The following LAMP3 variants were observed in gnomAD, a reference collection of about 807,000 sequenced individuals.
The protein encoded by LAMP3 is lysosome associated membrane protein 3.
A neutral mutation model predicts 34.8 loss-of-function variants in LAMP3; 26 were observed. The observed-to-expected ratio is 0.75, with a 90% CI of 0.55 to 1.04. LAMP3 has a LOEUF of 1.04. Ranked by LOEUF, LAMP3 falls within the 50% of genes least tolerant of loss-of-function variation. The pLI is 0.00. For synonymous variants in LAMP3, 180 were observed against 201.9 expected (o/e 0.89, Z 0.92); for missense variants, 495 against 524.0 (o/e 0.94, Z 0.54).
At chr3:183,139,381 C>T in intron 4 of LAMP3, among the ~76,000 whole-genome samples, 1 of 142,588 alleles carries the variant, frequency 7.0e-6, no homozygotes, top group Non-Finnish European at 1.5e-5. Context: ...CAGAGCGAGA[C>T]TGTCTCAAAA....
chr3:183,132,676 C>T lies in LAMP3; in HGVS notation c.1117+3041G>A, dbSNP rs1576870569. The T allele has an allele frequency of 1.1e-5, 11 of 985,384 alleles. No individual in the cohort carries two copies. The South Asian group carries it at 4.7e-4, about 42-fold the overall frequency. The allele number at this position is 985,384 out of a possible 1,614,324, so 61.0% of individuals were successfully genotyped here. A position where few individuals can be genotyped will look rare whatever the true frequency, so the allele number is the denominator to read the frequency against. On this transcript the variant is annotated intron_variant, in intron 5 of 5. Transcript: ENST00000265598. ...GCTGTTTCCCAGCACTGCGGTAGCC[C>T]TTTGGTGGAAAGTTAGGTTTCCTAA...
intron 4 of LAMP3, among the ~76,000 whole-genome samples, chr3:183,137,200 C>T (rs937939152): frequency 1.3e-5 from 2 of 151,580 alleles, no homozygotes; most frequent in Admixed American, 6.6e-5. Flanking sequence ...CACATGCAAT[C>T]CCAGCTACTC....
chr3:183,127,422 C>T (rs1166302596), intron 5 of LAMP3, among the ~76,000 whole-genome samples: 3 of 152,162 alleles, frequency 2.0e-5, no homozygotes, highest in East Asian at 3.8e-4. Context: ...ACACTGTGCC[C>T]AGACAACTCC....
chr3:183,130,780 C>G (rs1195265139), intron 5 of LAMP3, among the ~76,000 whole-genome samples: 1 of 152,174 alleles, frequency 6.6e-6, no homozygotes, highest in African/African-American at 2.4e-5. Context: ...TCTTCCCAGT[C>G]TTCCTGGGAG....
At chr3:183,125,417 G>C (rs192269622) in intron 5 of LAMP3, among the ~76,000 whole-genome samples, 1 of 152,272 alleles carries the variant, frequency 6.6e-6, no homozygotes, top group East Asian at 1.9e-4. Context: ...GGACAAGAAA[G>C]AAACTGTGAT....
intron 4 of LAMP3, among the ~76,000 whole-genome samples, chr3:183,136,778 C>T (rs1211118326): frequency 6.6e-6 from 1 of 151,942 alleles, no homozygotes; most frequent in African/African-American, 2.4e-5. Flanking sequence ...TGCCTAAGGA[C>T]TGGCCCTCTC....
At position 183,158,635 on chromosome 3, in the gene LAMP3, A is replaced by G. The variant is rs570097274; in HGVS notation, c.49+3972T>C. Among the ~76,000 whole-genome samples the G allele has an allele frequency of 2.6e-5, 4 of 152,202 alleles. No homozygotes were observed. The East Asian group carries it at 5.8e-4, about 22-fold the overall frequency. On this transcript the variant is annotated intron_variant, in intron 1 of 5. Coordinates refer to ENST00000265598, the MANE Select transcript of LAMP3 (RefSeq NM_014398.4). ...TTCCCCTACAACCAGTGGGTGTGAGATGAGTCATTGCCCAGTCCCCTGAGA... is the reference window on the plus strand; with the variant it reads ...TTCCCCTACAACCAGTGGGTGTGAGGTGAGTCATTGCCCAGTCCCCTGAGA...
At chr3:183,139,809 T>A (rs888607553) in intron 4 of LAMP3, among the ~76,000 whole-genome samples, 1 of 152,218 alleles carries the variant, frequency 6.6e-6, no homozygotes, top group Admixed American at 6.5e-5. Context: ...GTAAACTTCA[T>A]GAGGGTAAGA....
Position 183,154,006 on chromosome 3 carries a change from A to T in LAMP3, c.435T>A (p.Thr145=), listed in dbSNP as rs747997199. The change falls in exon 2 of 6, where the codon ACT becomes ACA. Residue 145 remains threonine, a synonymous_variant. Transcript: ENST00000265598. ...PPTITPPAHT[T]GTSSSTVSHT... ...GGCTGACGGTTGATGAACTGGTTCC[A>T]GTTGTATGAGCTGGTGGGGTGATGG... 6.2e-7 allele frequency: 1 copy of T among 1,613,984 alleles called. No individual in the cohort carries two copies. The highest frequency in any genetic ancestry group is 8.5e-7 in the Non-Finnish European group (1 of 1,180,016).
intron 3 of LAMP3, among the ~76,000 whole-genome samples, chr3:183,144,567 G>A (rs771939209): frequency 2.6e-5 from 4 of 152,198 alleles, no homozygotes; most frequent in Admixed American, 6.5e-5. Flanking sequence ...AGGGGAAAAA[G>A]AGCATGGAAA....
chr3:183,124,239 C>T, intron 5 of LAMP3, 25 bp from the exon 6 acceptor site: 1 of 1,528,338 alleles, frequency 6.5e-7, no homozygotes, highest in Non-Finnish European at 8.8e-7. Flanking sequence ...AAATACAATA[C>T]AGTGGGTAAG....
intron 5 of LAMP3, 73 bp downstream of exon 5, chr3:183,135,644 G>T: frequency 7.2e-6 from 10 of 1,381,090 alleles, no homozygotes; most frequent in Non-Finnish European, 9.1e-6. Context: ...GACAGCTGCA[G>T]ACAGAAAACA....
At chr3:183,150,198 A>G (rs1720587876) in intron 3 of LAMP3, among the ~76,000 whole-genome samples, 1 of 152,164 alleles carries the variant, frequency 6.6e-6, no homozygotes, top group South Asian at 2.1e-4. Flanking sequence ...TCCTGCCCCT[A>G]CCCTTGGAGG....
At chr3:183,145,654 G>A (rs1014977803) in intron 3 of LAMP3, among the ~76,000 whole-genome samples, 7 of 152,110 alleles carry the variant, frequency 4.6e-5, no homozygotes, top group South Asian at 4.1e-4. Flanking sequence ...TCAGGACTTC[G>A]AGATCAGCCT....
Position 183,132,104 on chromosome 3 carries a change from C to T in LAMP3, c.1117+3613G>A, listed in dbSNP as rs200434787. ...AACATCAAAGAAAAGCCGACAAACCCGGAAAAAAGTAGCTAAGAAGGCAGA... is the reference window on the plus strand; with the variant it reads ...AACATCAAAGAAAAGCCGACAAACCTGGAAAAAAGTAGCTAAGAAGGCAGA... On this transcript the variant is annotated intron_variant, in intron 5 of 5. Transcript: ENST00000265598. 16 of 985,220 alleles carry T rather than the reference C, an allele frequency of 1.6e-5. No individual in the cohort carries two copies. The East Asian group carries it at 4.5e-4, about 28-fold the overall frequency. The allele number at this position is 985,220 out of a possible 1,614,324, so 61.0% of individuals were successfully genotyped here.
At chr3:183,143,880 G>T (rs192615334) in intron 3 of LAMP3, among the ~76,000 whole-genome samples, 7 of 152,014 alleles carry the variant, frequency 4.6e-5, no homozygotes, top group African/African-American at 1.2e-4. Context: ...TTGTTAATCC[G>T]TCAAGGAACC....
intron 5 of LAMP3, among the ~76,000 whole-genome samples, chr3:183,134,806 C>T (rs543626147): frequency 7.7e-4 from 118 of 152,316 alleles, no homozygotes; most frequent in African/African-American, 1.2e-3. Flanking sequence ...ATTTAAAATA[C>T]GGCTAAACTT....
At chr3:183,156,082 G>A (rs1442828067) in intron 1 of LAMP3, among the ~76,000 whole-genome samples, 3 of 152,160 alleles carry the variant, frequency 2.0e-5, no homozygotes, top group Admixed American at 6.5e-5. Flanking sequence ...ATGTTGGGCC[G>A]GGCGCGGTGG....
At position 183,122,683 on chromosome 3, in the gene LAMP3, A is replaced by G. The variant is rs1341241998; in HGVS notation, c.*1398T>C. ...AATGAGCAACTGACTAATGTTTTAC[A>G]AAGCCCCTCAGTCTCCTTCCAGAGA... On this transcript the variant is annotated 3_prime_UTR_variant, in exon 6 of 6. Coordinates refer to ENST00000265598, the MANE Select transcript of LAMP3 (RefSeq NM_014398.4). 1 of 152,262 alleles carries G rather than the reference A, an allele frequency of 6.6e-6. No individual in the cohort carries two copies. Among genetic ancestry groups the G allele is most frequent in the Non-Finnish European group, 1.5e-5 (1 of 68,042 alleles). The allele number at this position is 152,262 out of a possible 1,614,324, so 9.4% of individuals were successfully genotyped here.
Sources: gnomAD v4.1 joint callset for allele counts (sites outside exome capture counted in the v4.1 genomes callset) on GRCh38, gnomAD v4.1.1 for gene constraint, MANE v1.5 for transcripts, NCBI Gene and HGNC (gene_info 2026-07-23, HGNC 2026-07-21) for gene names.